The following EYA3 variants were observed in gnomAD, a reference collection of about 807,000 sequenced individuals.
The protein encoded by EYA3 is EYA transcriptional coactivator and phosphatase 3, also known as protein phosphatase EYA3.
EYA3 carries 39 observed loss-of-function variants against 80.0 expected under a neutral mutation model. The observed-to-expected ratio is 0.49, with a 90% CI of 0.38 to 0.64. EYA3 has a LOEUF of 0.64. EYA3 is among the 30% of genes least tolerant of loss of function. The pLI is 0.00. For missense variants in EYA3, 523 were observed against 676.1 expected (o/e 0.77, Z 2.51); for synonymous variants, 206 against 232.8 (o/e 0.88, Z 1.05).
chr1:28,052,008 TTTTTTA>T (rs1237593520), intron 2 of EYA3, among the ~76,000 whole-genome samples: 3 of 151,916 alleles, frequency 2.0e-5, no homozygotes, highest in African/African-American at 7.3e-5. Flanking sequence ...TTTCCATTTC[TTTTTTA>T]TTTTTATTTT....
intron 12 of EYA3, 73 bp downstream of exon 12, chr1:27,999,884 TATA>T: frequency 9.0e-7 from 1 of 1,107,674 alleles, no homozygotes; most frequent in Non-Finnish European, 1.3e-6. Context: ...TATCTTCTAA[TATA>T]ATAAGCAAAA....
At chr1:27,988,793 A>C in intron 15 of EYA3, 137 bp from the exon 16 acceptor site, 1 of 865,434 alleles carries the variant, frequency 1.2e-6, no homozygotes, top group Non-Finnish European at 1.8e-6. Context: ...TTCAGAGCCA[A>C]TGTTCAGCTA....
intron 17 of EYA3, among the ~76,000 whole-genome samples, chr1:27,977,719 G>A (rs1157026688): frequency 6.6e-6 from 1 of 152,032 alleles, no homozygotes; most frequent in Admixed American, 6.6e-5. Context: ...ATGGTGGCGG[G>A]TGCCTGTAGT....
intron 16 of EYA3, among the ~76,000 whole-genome samples, chr1:27,986,156 A>G (rs1233658504): frequency 6.6e-6 from 1 of 151,916 alleles, no homozygotes; most frequent in Non-Finnish European, 1.5e-5. Flanking sequence ...ACCTGAGGTC[A>G]GGAGTTCAAG....
intron 7 of EYA3, among the ~76,000 whole-genome samples, chr1:28,024,002 G>A (rs1279571753): frequency 6.6e-6 from 1 of 152,192 alleles, no homozygotes; most frequent in East Asian, 1.9e-4. Context: ...AGTTTGGGAA[G>A]CCGAGGCAGG....
intron 10 of EYA3, 109 bp from the exon 11 acceptor site, chr1:28,004,528 A>G: frequency 1.4e-6 from 1 of 727,292 alleles, no homozygotes; most frequent in Non-Finnish European, 2.3e-6. Context: ...TGTAGGAATT[A>G]AACAATACAA....
At chr1:28,065,273 A>AT (rs953977291) in intron 1 of EYA3, among the ~76,000 whole-genome samples, 15 of 152,022 alleles carry the variant, frequency 9.9e-5, no homozygotes, top group East Asian at 5.8e-4. Context: ...CTTACCATAG[A>AT]TTTTTTTTCT....
chr1:28,020,667 C>CGTGTGTGTATGTGT (rs1160923186), intron 7 of EYA3, among the ~76,000 whole-genome samples: 1 of 134,478 alleles, frequency 7.4e-6, no homozygotes, highest in African/African-American at 2.9e-5. Context: ...TACAGATCAT[C>CGTGTGTGTATGTGT]GTGTGTGTGT....
chr1:28,084,584 TATATATATATA>T (rs1415691228), intron 1 of EYA3, among the ~76,000 whole-genome samples: 59 of 18,174 alleles, frequency 3.2e-3, no homozygotes, highest in Non-Finnish European at 4.0e-3. Flanking sequence ...TATATATATA[TATATATATATA>T]TTTTTTTTTT....
Position 28,009,666 on chromosome 1 carries a change from CAAA to C in EYA3, c.909+1278_909+1280del, listed in dbSNP as rs1204151286. ...ACAACAACAACAACAACAACAACAA[CAAA>C]AAACCATTATGGTAAATGAAATAAG... On this transcript the variant is annotated intron_variant, in intron 10 of 17. Transcript: ENST00000373871. The surrounding 1 kb of genome is among the most constrained non-coding windows in gnomAD (Gnocchi z 4.8). 1.3e-5 allele frequency among the ~76,000 whole-genome samples: 2 copies of C among 151,940 alleles called. No individual in the cohort carries two copies. Among genetic ancestry groups the C allele is most frequent in the East Asian group, 1.9e-4 (1 of 5,182 alleles).
At chr1:28,036,164 T>C (rs1334660287) in intron 5 of EYA3, among the ~76,000 whole-genome samples, 1 of 152,188 alleles carries the variant, frequency 6.6e-6, no homozygotes, top group Non-Finnish European at 1.5e-5. Context: ...CCTTTCTACG[T>C]TCTCCTATCA....
At chr1:28,007,872 T>A (rs912640032) in intron 10 of EYA3, among the ~76,000 whole-genome samples, 9 of 152,176 alleles carry the variant, frequency 5.9e-5, no homozygotes, top group East Asian at 1.9e-4. Flanking sequence ...AGTAGTTTTT[T>A]AAAAAAATAG....
intron 1 of EYA3, among the ~76,000 whole-genome samples, chr1:28,069,583 A>G (rs867972095): frequency 1.3e-5 from 2 of 150,806 alleles, no homozygotes; most frequent in African/African-American, 2.4e-5. Flanking sequence ...AGAAGAAGAA[A>G]AAAAAAGAGG....
intron 14 of EYA3, among the ~76,000 whole-genome samples, chr1:27,992,516 A>C (rs1204700686): frequency 2.0e-5 from 3 of 152,192 alleles, no homozygotes; most frequent in African/African-American, 7.2e-5. Flanking sequence ...CAGGCCGCTG[A>C]CTGGTATCAG....
chr1:28,070,568 A>C (rs1644986890), intron 1 of EYA3, among the ~76,000 whole-genome samples: 2 of 152,190 alleles, frequency 1.3e-5, no homozygotes, highest in Admixed American at 6.5e-5. Context: ...TCTCAAAAAA[A>C]AGAGAAAGAA....
intron 1 of EYA3, among the ~76,000 whole-genome samples, chr1:28,083,764 A>C (rs1346135030): frequency 6.6e-6 from 1 of 152,212 alleles, no homozygotes; most frequent in Non-Finnish European, 1.5e-5. Flanking sequence ...ATTTAATTCT[A>C]ATTATGTTGT....
intron 16 of EYA3, among the ~76,000 whole-genome samples, chr1:27,983,780 C>G (rs1444029619): frequency 6.6e-6 from 1 of 152,138 alleles, no homozygotes; most frequent in Non-Finnish European, 1.5e-5. Context: ...CTCAGTCTCC[C>G]CAGTAGCTAG....
chr1:28,069,443 G>C (rs1644943074), intron 1 of EYA3, among the ~76,000 whole-genome samples: 1 of 151,644 alleles, frequency 6.6e-6, no homozygotes, highest in South Asian at 2.1e-4. Flanking sequence ...TGGGGTCAAA[G>C]TGGGAAGGGG....
chr1:28,034,102 G>T (rs887031233), intron 6 of EYA3, among the ~76,000 whole-genome samples: 2 of 151,700 alleles, frequency 1.3e-5, no homozygotes, highest in Non-Finnish European at 2.9e-5. Flanking sequence ...AATAATAATA[G>T]TTTAAGGGAA....
Sources: gnomAD v4.1 joint callset for allele counts (sites outside exome capture counted in the v4.1 genomes callset) on GRCh38, gnomAD v4.1.1 for gene constraint, Gnocchi (gnomAD v3.1) non-coding constraint, MANE v1.5 for transcripts, NCBI Gene and HGNC (gene_info 2026-07-23, HGNC 2026-07-21) for gene names.